CPE: variants seen among roughly 807,000 people sequenced by gnomAD.
CPE encodes the protein carboxypeptidase E.
Under a neutral mutation model 53.5 loss-of-function variants are expected in CPE, and 17 were observed. That is an observed-to-expected ratio of 0.32 (90% CI 0.22 to 0.48). The LOEUF (loss-of-function observed/expected upper bound fraction) is 0.48, where lower values mean the gene tolerates loss of function less well. Ranked by LOEUF, CPE falls within the 20% of genes least tolerant of loss-of-function variation. The probability of loss-of-function intolerance (pLI) is 0.99; values close to 1 mark genes in which losing one functional copy is unlikely to be tolerated. For synonymous variants in CPE, 226 were observed against 228.8 expected, an observed-to-expected ratio of 0.99 and a Z score of 0.11; for missense variants, 524 against 614.7, an observed-to-expected ratio of 0.85 and a Z score of 1.56.
rs116434163 is a variant in CPE, at chr4:165,474,317, C to T, written c.672+6462C>T. The stretch of plus-strand genomic sequence containing the variant: ...TCTCCCAGTTCATTTTTAGGCCAAA[C>T]GATATTACAAAGGAAAGCTAGTTTT... On this transcript the variant is annotated intron_variant, in intron 3 of 8. Coordinates refer to ENST00000402744, the MANE Select transcript of CPE (RefSeq NM_001873.4). Among the ~76,000 whole-genome samples the T allele has an allele frequency of 3.8e-3, 572 of 152,196 alleles. 2 individuals are homozygous for T. The highest frequency in any genetic ancestry group is 0.013 in the African/African-American group (534 of 41,526).
intron 1 of CPE, among the ~76,000 whole-genome samples, chr4:165,384,230 CA>C (rs1303511702): frequency 6.6e-6 from 1 of 152,080 alleles, no homozygotes; most frequent in Non-Finnish European, 1.5e-5. Flanking sequence ...ATTATGTAAA[CA>C]AAGATAAACA....
chr4:165,440,536 A>T (rs1731591612), intron 1 of CPE, among the ~76,000 whole-genome samples: 1 of 149,860 alleles, frequency 6.7e-6, no homozygotes, highest in African/African-American at 2.5e-5. Context: ...TGATTTCATG[A>T]TTCATATGCA....
chr4:165,434,322 AT>A (rs1162342861), intron 1 of CPE, among the ~76,000 whole-genome samples: 1 of 152,106 alleles, frequency 6.6e-6, no homozygotes, highest in African/African-American at 2.4e-5. Flanking sequence ...TAAATCTATA[AT>A]TTTCATCTAT....
At chr4:165,449,406 A>G (rs989567865) in intron 1 of CPE, among the ~76,000 whole-genome samples, 1 of 152,114 alleles carries the variant, frequency 6.6e-6, no homozygotes, top group Admixed American at 6.6e-5. Flanking sequence ...GGAGGGGCCT[A>G]ATTTTTTGTG....
chr4:165,417,066 C>T (rs974721821), intron 1 of CPE, among the ~76,000 whole-genome samples: 1 of 151,850 alleles, frequency 6.6e-6, no homozygotes, highest in Non-Finnish European at 1.5e-5. Context: ...GCAAATAAAC[C>T]ACTGGGCTTA....
intron 1 of CPE, chr4:165,404,565 G>GT (rs1168209037): frequency 1.0e-6 from 1 of 959,602 alleles, no homozygotes; most frequent in East Asian, 2.4e-5. Context: ...TTGGCCACAT[G>GT]TTTCGCTACA....
At chr4:165,393,487 A>G (rs551656507) in intron 1 of CPE, among the ~76,000 whole-genome samples, 3 of 152,250 alleles carry the variant, frequency 2.0e-5, no homozygotes, top group South Asian at 2.1e-4. Context: ...GTTTTTTCCT[A>G]GCTAGAAGGA....
chr4:165,416,927 G>C (rs1731135135), intron 1 of CPE, among the ~76,000 whole-genome samples: 1 of 151,952 alleles, frequency 6.6e-6, no homozygotes, highest in Admixed American at 6.6e-5. Context: ...TGAATGAATG[G>C]AATTTGGTAA....
chr4:165,462,051 C>T (rs1277841770), intron 1 of CPE, among the ~76,000 whole-genome samples: 1 of 152,164 alleles, frequency 6.6e-6, no homozygotes, highest in African/African-American at 2.4e-5. Flanking sequence ...GTTACTACCG[C>T]CTCACAAATA....
intron 7 of CPE, among the ~76,000 whole-genome samples, chr4:165,494,807 G>C (rs578095887): frequency 6.6e-6 from 1 of 152,298 alleles, no homozygotes; most frequent in South Asian, 2.1e-4. Context: ...TTTTTTGACT[G>C]TACCTATTTT....
intron 1 of CPE, among the ~76,000 whole-genome samples, chr4:165,384,810 A>G (rs1262865392): frequency 2.0e-5 from 3 of 152,198 alleles, no homozygotes; most frequent in Non-Finnish European, 2.9e-5. Context: ...GGAGCTCTTC[A>G]GGGGTAGGGA....
At chr4:165,421,149 T>C (rs1449393403) in intron 1 of CPE, among the ~76,000 whole-genome samples, 2 of 152,218 alleles carry the variant, frequency 1.3e-5, no homozygotes, top group East Asian at 3.8e-4. Context: ...GTTACTTCCT[T>C]TTAACTGCCT....
intron 1 of CPE, among the ~76,000 whole-genome samples, chr4:165,440,453 CA>C (rs754139826): frequency 0.052 from 7,312 of 140,848 alleles, 552 homozygotes; most frequent in East Asian, 0.14. Context: ...CTCACAACCC[CA>C]CCCCCCCCCA....
chr4:165,490,722 C>G (rs1279941597), intron 6 of CPE, among the ~76,000 whole-genome samples: 4 of 151,824 alleles, frequency 2.6e-5, no homozygotes, highest in African/African-American at 7.3e-5. Context: ...TCCTCTCCTA[C>G]CATTGAATCA....
chr4:165,404,221 A>T, intron 1 of CPE: 1 of 761,408 alleles, frequency 1.3e-6, no homozygotes. Flanking sequence ...CTCCAAGACA[A>T]GGTGGGAAGC....
chr4:165,387,390 A>T (rs1273812982), intron 1 of CPE, among the ~76,000 whole-genome samples: 1 of 152,254 alleles, frequency 6.6e-6, no homozygotes, highest in Non-Finnish European at 1.5e-5. Context: ...GCTAAACATC[A>T]TAGTTCTATA....
chr4:165,398,043 C>T (rs141434330), intron 1 of CPE, among the ~76,000 whole-genome samples: 381 of 132,504 alleles, frequency 2.9e-3, no homozygotes, highest in Middle Eastern at 7.9e-3. Flanking sequence ...AGAGCAAGTC[C>T]TCATTTCTAA....
intron 1 of CPE, among the ~76,000 whole-genome samples, chr4:165,461,125 C>G (rs1731990886): frequency 8.1e-6 from 1 of 122,952 alleles, no homozygotes. Flanking sequence ...CATGATTGTG[C>G]CACTGCACTC....
chr4:165,471,456 T>C (rs541353637), intron 3 of CPE, among the ~76,000 whole-genome samples: 1 of 152,320 alleles, frequency 6.6e-6, no homozygotes, highest in South Asian at 2.1e-4. Context: ...TAAAAACAAA[T>C]CATGATAGGA....
Sources: gnomAD v4.1 joint callset for allele counts (sites outside exome capture counted in the v4.1 genomes callset) on GRCh38, gnomAD v4.1.1 for gene constraint, MANE v1.5 for transcripts, NCBI Gene and HGNC (gene_info 2026-07-23, HGNC 2026-07-21) for gene names.